Variants in DPP10 observed in about 807,000 individuals in gnomAD.
DPP10 encodes inactive dipeptidyl peptidase 10.
In DPP10, 33 loss-of-function variants were observed where a neutral mutation model predicts 120.9. That is an observed-to-expected ratio of 0.27 (90% CI 0.21 to 0.37). DPP10 has a LOEUF of 0.37. Ranked by LOEUF, DPP10 falls within the 10% of genes least tolerant of loss-of-function variation. The probability of loss-of-function intolerance (pLI) is 1.00; values close to 1 mark genes in which losing one functional copy is unlikely to be tolerated. For synonymous variants in DPP10, 337 were observed against 326.1 expected (o/e 1.03, Z -0.36); for missense variants, 816 against 942.8 (o/e 0.87, Z 1.76).
intron 1 of DPP10, among the ~76,000 whole-genome samples, chr2:114,587,031 C>T (rs995031082): frequency 2.6e-5 from 4 of 152,124 alleles, no homozygotes; most frequent in African/African-American, 9.7e-5. Context: ...GGTGCAGTGG[C>T]TTATGCCTGT....
intron 1 of DPP10, among the ~76,000 whole-genome samples, chr2:114,900,257 G>C (rs1472214994): frequency 6.6e-6 from 1 of 152,182 alleles, no homozygotes; most frequent in Non-Finnish European, 1.5e-5. Flanking sequence ...TCTTGTACGT[G>C]TCTCCTGGTG....
At chr2:115,327,099 A>G (rs767259820) in intron 2 of DPP10, among the ~76,000 whole-genome samples, 27 of 152,118 alleles carry the variant, frequency 1.8e-4, no homozygotes, top group African/African-American at 2.4e-4. Flanking sequence ...TTTTTTAACT[A>G]TATATTTTCT....
chr2:115,160,145 A>G (rs976083231), intron 1 of DPP10, among the ~76,000 whole-genome samples: 1 of 152,220 alleles, frequency 6.6e-6, no homozygotes, highest in African/African-American at 2.4e-5. Context: ...ATGTTTCATT[A>G]AAAATATATA....
At chr2:115,555,987 A>C (rs925206381) in intron 5 of DPP10, among the ~76,000 whole-genome samples, 3 of 152,120 alleles carry the variant, frequency 2.0e-5, no homozygotes, top group Non-Finnish European at 4.4e-5. Flanking sequence ...TGTGTTTTCA[A>C]GTCATTGTGA....
chr2:114,519,947 A>T (rs942097127), intron 1 of DPP10, among the ~76,000 whole-genome samples: 9 of 151,932 alleles, frequency 5.9e-5, no homozygotes, highest in African/African-American at 2.2e-4. Flanking sequence ...TGTTATAAAG[A>T]TACTCACACC....
chr2:115,718,762 G>A (rs192203780), intron 7 of DPP10, among the ~76,000 whole-genome samples: 7 of 152,092 alleles, frequency 4.6e-5, no homozygotes, highest in Admixed American at 2.0e-4. Context: ...CTAGCACATA[G>A]GAGGTGCCTG....
At chr2:115,582,590 C>T (rs1324301452) in intron 5 of DPP10, among the ~76,000 whole-genome samples, 1 of 152,180 alleles carries the variant, frequency 6.6e-6, no homozygotes, top group East Asian at 1.9e-4. Flanking sequence ...TAGATACCTA[C>T]TCTAACAGAG....
chr2:114,485,953 C>T (rs1204035097), intron 1 of DPP10, among the ~76,000 whole-genome samples: 1 of 152,150 alleles, frequency 6.6e-6, no homozygotes, highest in African/African-American at 2.4e-5. Flanking sequence ...TTGTTCCGCA[C>T]TACCCACACA....
At chr2:114,644,952 C>T (rs1227193187) in intron 1 of DPP10, among the ~76,000 whole-genome samples, 2 of 151,922 alleles carry the variant, frequency 1.3e-5, no homozygotes, top group Non-Finnish European at 2.9e-5. Context: ...TTTTCTCCCT[C>T]CTTCTGCTGT....
At chr2:115,713,304 G>T (rs1276608243) in intron 7 of DPP10, among the ~76,000 whole-genome samples, 1 of 152,132 alleles carries the variant, frequency 6.6e-6, no homozygotes, top group African/African-American at 2.4e-5. Context: ...ATTGAATTGA[G>T]AGTAGAGGTA....
At chr2:115,210,377 T>C (rs570832583) in intron 1 of DPP10, among the ~76,000 whole-genome samples, 1 of 152,302 alleles carries the variant, frequency 6.6e-6, no homozygotes, top group South Asian at 2.1e-4. Flanking sequence ...TGCATAGTAT[T>C]CCATGGTGTA....
chr2:115,375,599 T>A (rs2065735126), intron 3 of DPP10, among the ~76,000 whole-genome samples: 1 of 152,198 alleles, frequency 6.6e-6, no homozygotes, highest in South Asian at 2.1e-4. Flanking sequence ...GGTACCAATT[T>A]TCTGTATTAG....
At chr2:115,628,252 C>T (rs774428078) in intron 5 of DPP10, among the ~76,000 whole-genome samples, 1 of 152,158 alleles carries the variant, frequency 6.6e-6, no homozygotes, top group East Asian at 1.9e-4. Context: ...TTCTGATTTA[C>T]GTTTCTCAAT....
At chr2:115,078,581 G>T (rs751923447) in intron 1 of DPP10, among the ~76,000 whole-genome samples, 1 of 152,144 alleles carries the variant, frequency 6.6e-6, no homozygotes, top group Non-Finnish European at 1.5e-5. Context: ...TAAGTAGTAT[G>T]CTAAAATCTA....
intron 5 of DPP10, among the ~76,000 whole-genome samples, chr2:115,533,224 A>G (rs943118077): frequency 8.5e-5 from 13 of 152,088 alleles, no homozygotes; most frequent in Non-Finnish European, 1.3e-4. Flanking sequence ...ACATAATGGG[A>G]CATAAATCTG....
chr2:115,455,510 A>G (rs2073454435), intron 3 of DPP10, among the ~76,000 whole-genome samples: 1 of 152,080 alleles, frequency 6.6e-6, no homozygotes, highest in South Asian at 2.1e-4. Flanking sequence ...CATAGCCAAG[A>G]CAATCCTAAG....
At chr2:114,803,137 G>A (rs1278177022) in intron 1 of DPP10, among the ~76,000 whole-genome samples, 1 of 152,150 alleles carries the variant, frequency 6.6e-6, no homozygotes, top group African/African-American at 2.4e-5. Flanking sequence ...TCAGAGATCC[G>A]ATGGATTTAT....
rs1196619177 is a variant in DPP10 at position 114,957,392 on chromosome 2, G to A, written c.61-351847G>A. Among the ~76,000 whole-genome samples the A allele has an allele frequency of 4.0e-5, 6 of 151,730 alleles. No individual in the cohort carries two copies. In the East Asian group the frequency reaches 5.8e-4, roughly 15 times the overall value. On this transcript the variant is annotated intron_variant, in intron 1 of 25. Transcript: ENST00000410059. Reference sequence around the variant, plus strand: ...TAGCAGGGAAATGCAAATCAAAACCGCAATGAGATATCACCTCACATCTGT... The same window carrying A: ...TAGCAGGGAAATGCAAATCAAAACCACAATGAGATATCACCTCACATCTGT...
At chr2:115,372,137 C>T (rs1422524667) in intron 3 of DPP10, among the ~76,000 whole-genome samples, 1 of 151,864 alleles carries the variant, frequency 6.6e-6, no homozygotes, top group Non-Finnish European at 1.5e-5. Context: ...TTAATAGATA[C>T]AATTTTGTTG....
Sources: allele counts gnomAD v4.1 joint callset (sites outside exome capture counted in the v4.1 genomes callset), GRCh38; gene constraint gnomAD v4.1.1; transcripts MANE v1.5; gene names NCBI Gene and HGNC (gene_info 2026-07-23, HGNC 2026-07-21).